Variants in GON4L observed in about 807,000 individuals in gnomAD.
The protein encoded by GON4L is gon-4 like, also known as GON-4-like protein.
Under a neutral mutation model 211.8 loss-of-function variants are expected in GON4L, and 87 were observed. The ratio of observed to expected loss-of-function variants is 0.41; its 90% CI spans 0.35 to 0.49. GON4L has a LOEUF of 0.49. Ranked by LOEUF, GON4L falls within the 20% of genes least tolerant of loss-of-function variation. The pLI is 0.15. For missense variants in GON4L, 2,155 were observed against 2,659.5 expected (o/e 0.81, Z 4.17); for synonymous variants, 875 against 962.6 (o/e 0.91, Z 1.68).
chr1:155,780,081 G>C (rs1351515809), intron 14 of GON4L, among the ~76,000 whole-genome samples: 1 of 151,984 alleles, frequency 6.6e-6, no homozygotes, highest in Non-Finnish European at 1.5e-5. Flanking sequence ...TTACAGGCGT[G>C]AGCCACTGCA....
intron 2 of GON4L, among the ~76,000 whole-genome samples, chr1:155,849,765 C>T (rs1228699542): frequency 2.3e-5 from 2 of 88,080 alleles, no homozygotes; most frequent in Non-Finnish European, 4.3e-5. Context: ...CAGAACGAGA[C>T]TCCGTCTCAA....
At chr1:155,759,909 T>C (rs1046232628) in intron 24 of GON4L, among the ~76,000 whole-genome samples, 6 of 148,972 alleles carry the variant, frequency 4.0e-5, no homozygotes, top group African/African-American at 1.2e-4. Context: ...CTATAAAACA[T>C]TGTATACTAT....
chr1:155,768,555 G>T (rs530699294), intron 19 of GON4L, among the ~76,000 whole-genome samples: 1 of 149,382 alleles, frequency 6.7e-6, no homozygotes, highest in Non-Finnish European at 1.5e-5. Flanking sequence ...AGCTTGCAGT[G>T]AGCCGAGATC....
At position 155,784,016 on chromosome 1, in the gene GON4L, C is replaced by G. The variant is rs752519380; in HGVS notation, c.1862G>C (p.Arg621Pro). 6.2e-7 allele frequency: 1 copy of G among 1,613,830 alleles called. No homozygotes were observed. The highest frequency in any genetic ancestry group is 8.5e-7 in the Non-Finnish European group (1 of 1,179,896). Reference protein sequence around the residue: ...PEEEECVAEPRPNFNTPQALR... With the variant: ...PEEEECVAEPPPNFNTPQALR... ...AGCTTGAGGGGTGTTAAAGTTAGGA[C>G]GAGGCTCAGCTACACACTCCTCCTC... Residue 621 changes from arginine to proline, a missense_variant, in exon 14 of 32, where the codon CGT becomes CCT. Around this residue, in one of 6 missense-constraint regions of GON4L, gnomAD observed 551 missense variants for 854.0 expected, o/e 0.65. Coordinates refer to ENST00000368331, the MANE Select transcript of GON4L (RefSeq NM_001282860.2).
At position 155,752,947 on chromosome 1, in the gene GON4L, G is replaced by T. The variant is rs145468262; in HGVS notation, c.5842+257C>A. Among the ~76,000 whole-genome samples the T allele has an allele frequency of 1.2e-4, 19 of 152,296 alleles. No homozygotes were observed. In the East Asian group the frequency reaches 3.7e-3, roughly 29 times the overall value. Reference sequence around the variant, plus strand: ...AGATTACACTAGATTTGGAGACAGGGGGAAGGGTTTTTGGAATAAAACACA... The same window carrying T: ...AGATTACACTAGATTTGGAGACAGGTGGAAGGGTTTTTGGAATAAAACACA... On this transcript the variant is annotated intron_variant, in intron 29 of 31. Transcript: ENST00000368331.
chr1:155,748,509 T>G, downstream of GON4L: 1 of 1,613,846 alleles, frequency 6.2e-7, no homozygotes, highest in African/African-American at 1.3e-5. Context: ...CTGGCTGACA[T>G]GCTGAGCTTC....
intron 2 of GON4L, among the ~76,000 whole-genome samples, chr1:155,847,218 C>G (rs576638744): frequency 6.6e-6 from 1 of 152,234 alleles, no homozygotes; most frequent in African/African-American, 2.4e-5. Context: ...GGCTTGGGAT[C>G]CAGGCTCCAT....
rs1358959863 is a variant in GON4L at position 155,785,393 on chromosome 1, G to A, written c.1748-19C>T. On this transcript the variant is annotated intron_variant, in intron 12 of 31. Transcript: ENST00000368331. ...TCCTTTTCTGCAAGAAAGCCAGACA[G>A]TATATTGTTGGTATAAATTAGATTT... 1 of 1,558,218 alleles carries A rather than the reference G, an allele frequency of 6.4e-7. No individual in the cohort carries two copies. The highest frequency in any genetic ancestry group is 2.2e-5 in the East Asian group (1 of 44,594).
intron 6 of GON4L, among the ~76,000 whole-genome samples, chr1:155,820,141 T>C (rs561564945): frequency 1.3e-5 from 2 of 152,266 alleles, no homozygotes; most frequent in East Asian, 1.9e-4. Context: ...CTCGAACTCC[T>C]GACTTCAAGT....
intron 10 of GON4L, among the ~76,000 whole-genome samples, chr1:155,806,659 T>C (rs1453809731): frequency 2.6e-5 from 4 of 152,054 alleles, no homozygotes; most frequent in Non-Finnish European, 5.9e-5. Context: ...AAGGTGACAG[T>C]GAGACACGTA....
chr1:155,853,447 G>GA lies in GON4L; in HGVS notation c.333dup (p.His112SerfsTer4). The GA allele has an allele frequency of 6.2e-7, 1 of 1,614,052 alleles. No individual in the cohort carries two copies. The highest frequency in any genetic ancestry group is 8.5e-7 in the Non-Finnish European group (1 of 1,179,932). ...TTACCAATGTGTATATTAAGGGGGT[G>GA]AAAAGACTCCAAGGAAGGTAGGGTG... On this transcript the variant is annotated frameshift_variant, in exon 2 of 32. Transcript: ENST00000368331. LOFTEE classifies it high-confidence loss of function.
rs1212820712 is a variant in GON4L, at chr1:155,773,052, G to A, written c.2495+14C>T. The A allele has an allele frequency of 3.1e-6, 5 of 1,611,698 alleles. No individual in the cohort carries two copies. The highest frequency in any genetic ancestry group is 4.2e-6 in the Non-Finnish European group (5 of 1,179,686). ...GATGTTCTGCTGTTTTGATCCCCCA[G>A]AGTAAACACTTACTTGTCCTCAGCC... On this transcript the variant is annotated intron_variant, in intron 18 of 31. Transcript: ENST00000368331.
At chr1:155,768,766 A>G (rs1449289651) in intron 19 of GON4L, among the ~76,000 whole-genome samples, 1 of 151,824 alleles carries the variant, frequency 6.6e-6, no homozygotes, top group Admixed American at 6.6e-5. Context: ...TTCATGTAAC[A>G]CCTGTTTCTC....
chr1:155,836,063 G>A (rs1670263578), intron 2 of GON4L, among the ~76,000 whole-genome samples: 1 of 152,098 alleles, frequency 6.6e-6, no homozygotes, highest in Non-Finnish European at 1.5e-5. Context: ...GGGCAACAGA[G>A]CAAAACCCCG....
At chr1:155,784,358 CTTTTTTTTTTTTTTTTTT>C (rs869034483) in intron 13 of GON4L, 309 of 104,044 alleles carry the variant, frequency 3.0e-3, no homozygotes, top group East Asian at 0.023. Context: ...TCTCTCTCTC[CTTTTTTTTTTTTTTTTTT>C]TTTTTTTTTT....
At position 155,749,665 on chromosome 1, in the gene GON4L, G is replaced by T. The variant is rs1482342885; in HGVS notation, c.*919C>A. The T allele has an allele frequency of 2.9e-6, 4 of 1,395,340 alleles. 1 individual carries two copies. The highest frequency in any genetic ancestry group is 3.8e-6 in the Non-Finnish European group (4 of 1,058,868). 86.4% of individuals were successfully genotyped at this position (1,395,340 alleles called of 1,614,324 possible). ...GAGGTGAAGAAAACTGAGATTTCAA[G>T]TATGGGAGAGGTTTTACTATCTCCA... On this transcript the variant is annotated 3_prime_UTR_variant, in exon 32 of 32. Transcript: ENST00000368331.
At chr1:155,849,098 A>G (rs1392120361) in intron 2 of GON4L, among the ~76,000 whole-genome samples, 1 of 140,042 alleles carries the variant, frequency 7.1e-6, no homozygotes, top group Non-Finnish European at 1.5e-5. Context: ...CAGTGAGCCA[A>G]AATCATGCCA....
intron 2 of GON4L, among the ~76,000 whole-genome samples, chr1:155,829,081 C>CT (rs1277207410): frequency 6.6e-6 from 1 of 152,134 alleles, no homozygotes; most frequent in Non-Finnish European, 1.5e-5. Context: ...GGGTCTCACT[C>CT]TGTCGCCTAG....
chr1:155,754,750 G>C (rs111758954), intron 27 of GON4L, among the ~76,000 whole-genome samples: 1 of 151,318 alleles, frequency 6.6e-6, no homozygotes, highest in Non-Finnish European at 1.5e-5. Flanking sequence ...GGCTGGTCTC[G>C]AACTCCTGAC....
Sources: gnomAD v4.1 joint callset for allele counts (sites outside exome capture counted in the v4.1 genomes callset) on GRCh38, gnomAD v4.1.1 for gene constraint, gnomAD v4.1.1 regional missense constraint, MANE v1.5 for transcripts, NCBI Gene and HGNC (gene_info 2026-07-23, HGNC 2026-07-21) for gene names.